Variants in CCDC7 observed in about 807,000 individuals in gnomAD.
The protein encoded by CCDC7 is coiled-coil domain containing 7.
In CCDC7, 183 loss-of-function variants were observed where a neutral mutation model predicts 196.9. That is an observed-to-expected ratio of 0.93 (90% CI 0.82 to 1.05). CCDC7 has a LOEUF of 1.05. Ranked by LOEUF, CCDC7 falls within the 50% of genes least tolerant of loss-of-function variation. The pLI, the probability that CCDC7 is intolerant of heterozygous loss-of-function variation, is 0.00. For missense variants in CCDC7, 1,540 were observed against 1,482.2 expected, an observed-to-expected ratio of 1.04 and a Z score of -0.64; for synonymous variants, 525 against 484.6, an observed-to-expected ratio of 1.08 and a Z score of -1.10.
chr10:32,482,767 C>A (rs894328099), intron 8 of CCDC7, among the ~76,000 whole-genome samples: 1 of 151,852 alleles, frequency 6.6e-6, no homozygotes, highest in African/African-American at 2.4e-5. Flanking sequence ...TTTGTCCTTG[C>A]GATAGTTTGC....
chr10:32,762,525 A>G (rs1398501862), intron 28 of CCDC7, among the ~76,000 whole-genome samples: 1 of 151,790 alleles, frequency 6.6e-6, no homozygotes, highest in Admixed American at 6.6e-5. Flanking sequence ...TCAAGTAGCC[A>G]AAACAGTCTT....
At chr10:32,794,912 C>T (rs988432158) in intron 29 of CCDC7, among the ~76,000 whole-genome samples, 10 of 152,166 alleles carry the variant, frequency 6.6e-5, no homozygotes, top group African/African-American at 2.4e-4. Flanking sequence ...GTATGGCAGC[C>T]TACTCAGGCT....
intron 2 of CCDC7, 132 bp from the exon 4 acceptor site, chr10:32,456,119 T>C: frequency 1.2e-6 from 1 of 805,496 alleles, no homozygotes; most frequent in East Asian, 3.1e-5. Context: ...GCATGGCTTC[T>C]TGCTGTAAAT....
At chr10:32,559,099 G>A (rs1387908321) in intron 13 of CCDC7, among the ~76,000 whole-genome samples, 5 of 152,236 alleles carry the variant, frequency 3.3e-5, no homozygotes, top group African/African-American at 1.2e-4. Context: ...CTGCAAGGCG[G>A]CAGCGAGGCT....
At chr10:32,660,829 A>G (rs1288769334) in intron 20 of CCDC7, among the ~76,000 whole-genome samples, 1 of 148,792 alleles carries the variant, frequency 6.7e-6, no homozygotes, top group African/African-American at 2.5e-5. Flanking sequence ...TCAATTCAAG[A>G]TGGATTAAAG....
At chr10:32,871,940 G>A (rs1411277852) in intron 41 of CCDC7, among the ~76,000 whole-genome samples, 3 of 152,134 alleles carry the variant, frequency 2.0e-5, no homozygotes, top group African/African-American at 7.2e-5. Context: ...CTGAGTTCTA[G>A]TTTGATTGCA....
At chr10:32,610,050 G>C (rs1386625493) in intron 18 of CCDC7, among the ~76,000 whole-genome samples, 2 of 151,918 alleles carry the variant, frequency 1.3e-5, no homozygotes, top group Non-Finnish European at 2.9e-5. Flanking sequence ...GTGTGTGTGT[G>C]TGTGTGATTT....
intron 28 of CCDC7, among the ~76,000 whole-genome samples, chr10:32,763,973 TAA>T (rs904927772): frequency 3.3e-5 from 5 of 151,890 alleles, no homozygotes; most frequent in Non-Finnish European, 7.4e-5. Context: ...ATTCTCACTA[TAA>T]AAAGGGATAT....
At chr10:32,632,406 A>T (rs746924755) in intron 18 of CCDC7, among the ~76,000 whole-genome samples, 1 of 151,454 alleles carries the variant, frequency 6.6e-6, no homozygotes, top group African/African-American at 2.4e-5. Context: ...CAGTTATTAA[A>T]CCAAGCCAGC....
intron 9 of CCDC7, among the ~76,000 whole-genome samples, chr10:32,504,446 G>A (rs1333717074): frequency 1.3e-5 from 2 of 151,952 alleles, no homozygotes; most frequent in African/African-American, 4.8e-5. Context: ...TTCCTTCTAT[G>A]AACTATTGGC....
At chr10:32,712,086 G>A (rs1286265632) in intron 25 of CCDC7, among the ~76,000 whole-genome samples, 3 of 152,094 alleles carry the variant, frequency 2.0e-5, no homozygotes, top group Admixed American at 6.6e-5. Context: ...GCCGAGATCT[G>A]TAACTGAAGC....
chr10:32,633,205 G>A (rs1331192321), intron 18 of CCDC7, among the ~76,000 whole-genome samples: 8 of 64,066 alleles, frequency 1.2e-4, no homozygotes, highest in South Asian at 1.2e-3. Flanking sequence ...CAGTTTGCGC[G>A]CGTGCACGCA....
intron 18 of CCDC7, among the ~76,000 whole-genome samples, chr10:32,603,354 A>T (rs1260414461): frequency 1.3e-5 from 2 of 152,088 alleles, no homozygotes; most frequent in African/African-American, 2.4e-5. Context: ...TCATCCATTG[A>T]TGGACACTTA....
At chr10:32,654,171 A>G (rs899307871) in intron 20 of CCDC7, among the ~76,000 whole-genome samples, 12 of 152,162 alleles carry the variant, frequency 7.9e-5, no homozygotes, top group Non-Finnish European at 1.0e-4. Flanking sequence ...TACTTCGGGA[A>G]ATTTATATCA....
At chr10:32,858,498 C>T (rs953679721) in intron 41 of CCDC7, among the ~76,000 whole-genome samples, 1 of 152,114 alleles carries the variant, frequency 6.6e-6, no homozygotes, top group Non-Finnish European at 1.5e-5. Flanking sequence ...GGATCTATTG[C>T]TGACATGTAG....
chr10:32,786,311 C>T (rs966134652), intron 29 of CCDC7, among the ~76,000 whole-genome samples: 10 of 152,156 alleles, frequency 6.6e-5, no homozygotes, highest in Non-Finnish European at 1.5e-4. Context: ...TCTAGCATCA[C>T]CCCTTTTAAT....
chr10:32,816,685 C>T lies in CCDC7; in HGVS notation c.3181+2232C>T, dbSNP rs556087606. Among the ~76,000 whole-genome samples the T allele has an allele frequency of 1.7e-4, 26 of 152,222 alleles. No individual in the cohort carries two copies. The East Asian group carries it at 2.7e-3, about 16-fold the overall frequency. ...GCAACATTTGCTGTTCACCAATATC[C>T]GCTGTTCTGCAGCCTCCGCTGCTGA... On this transcript the variant is annotated intron_variant, in intron 31 of 41. Coordinates refer to ENST00000639629, the Ensembl canonical transcript of CCDC7.
At chr10:32,475,797 T>C (rs957351794) in intron 8 of CCDC7, among the ~76,000 whole-genome samples, 1 of 152,198 alleles carries the variant, frequency 6.6e-6, no homozygotes, top group Non-Finnish European at 1.5e-5. Flanking sequence ...TTAAATCTTA[T>C]AGCCTGGCCA....
chr10:32,776,281 T>TA (rs56752014), intron 28 of CCDC7, among the ~76,000 whole-genome samples: 107 of 149,384 alleles, frequency 7.2e-4, no homozygotes, highest in Admixed American at 8.7e-4. Context: ...TGAAGTATAA[T>TA]AAAAAAAAAA....
Sources: gnomAD v4.1 joint callset for allele counts (sites outside exome capture counted in the v4.1 genomes callset) on GRCh38, gnomAD v4.1.1 for gene constraint, MANE v1.5 for transcripts, NCBI Gene and HGNC (gene_info 2026-07-23, HGNC 2026-07-21) for gene names.